KCTD19: variants seen among roughly 807,000 people sequenced by gnomAD.
The protein encoded by KCTD19 is potassium channel tetramerization domain containing 19.
A neutral mutation model predicts 103.5 loss-of-function variants in KCTD19; 67 were observed. The ratio of observed to expected loss-of-function variants is 0.65; its 90% confidence interval spans 0.53 to 0.79. The LOEUF (loss-of-function observed/expected upper bound fraction) is 0.79. KCTD19 is among the 30% of genes least tolerant of loss of function. The pLI, the probability that KCTD19 is intolerant of heterozygous loss-of-function variation, is 0.00. For synonymous variants in KCTD19, 439 were observed against 452.2 expected, an observed-to-expected ratio of 0.97 and a Z score of 0.37; for missense variants, 980 against 1,136.1, an observed-to-expected ratio of 0.86 and a Z score of 1.98.
Position 67,303,132 on chromosome 16 carries a change from GACA to G in KCTD19, c.643+11_643+13del. ...TCAGCCCGCCCCCCACCCCACCCCGGACAGAGCAATCACCAATGAAGCGGAACT... is the reference window on the plus strand; with the variant it reads ...TCAGCCCGCCCCCCACCCCACCCCGGGAGCAATCACCAATGAAGCGGAACT... On this transcript the variant is annotated intron_variant, in intron 4 of 15. Transcript: ENST00000304372. This position sits in a 1 kb window ranked among gnomAD's most constrained non-coding sequence, Gnocchi z 4.3. 6.3e-7 allele frequency: 1 copy of G among 1,589,490 alleles called. No individual in the cohort carries two copies.
At chr16:67,315,498 T>C (rs1436412029) in intron 2 of KCTD19, among the ~76,000 whole-genome samples, 1 of 151,922 alleles carries the variant, frequency 6.6e-6, no homozygotes, top group South Asian at 2.1e-4. Flanking sequence ...GTTTGTTTTT[T>C]TGAGACAGAG....
At chr16:67,304,399 G>A (rs1230865882) in intron 3 of KCTD19, 22 bp downstream of exon 3, 1 of 1,612,670 alleles carries the variant, frequency 6.2e-7, no homozygotes, top group Non-Finnish European at 8.5e-7. Context: ...GCTTTAGGGA[G>A]GGACAGCCTA....
At chr16:67,302,561 A>C (rs1194973821) in intron 4 of KCTD19, 1 of 156,570 alleles carries the variant, frequency 6.4e-6, no homozygotes, top group Non-Finnish European at 1.4e-5. Context: ...TCCCAAACAG[A>C]GCTCATCCTG....
rs1460092629 is a variant in KCTD19, at chr16:67,323,311, C to A, written c.4-2426G>T. On this transcript the variant is annotated intron_variant, in intron 1 of 15. Coordinates refer to ENST00000304372, the MANE Select transcript of KCTD19 (RefSeq NM_001100915.3). The surrounding 1 kb of genome is among the most constrained non-coding windows in gnomAD (Gnocchi z 4.1). Reference sequence around the variant, plus strand: ...AATAAACCTAATGTCCATCAACTGACAGATGAGTAAACAAAATGTAGTATA... The same window carrying A: ...AATAAACCTAATGTCCATCAACTGAAAGATGAGTAAACAAAATGTAGTATA... Among the ~76,000 whole-genome samples the A allele has an allele frequency of 6.6e-6, 1 of 152,164 alleles. No homozygotes were observed. Among genetic ancestry groups the A allele is most frequent in the Non-Finnish European group, 1.5e-5 (1 of 68,030 alleles).
intron 2 of KCTD19, among the ~76,000 whole-genome samples, chr16:67,313,518 G>T (rs2036970525): frequency 6.6e-6 from 1 of 152,070 alleles, no homozygotes; most frequent in Non-Finnish European, 1.5e-5. Context: ...TTCCAAAAAA[G>T]GTAGTGGCTG....
At position 67,289,532 on chromosome 16, in the gene KCTD19, G is replaced by C; in HGVS notation, c.*37C>G. ...GCTATCTCCAATTAAAATGAGACTT[G>C]GCGGGTGGGGCATGAGGGGCTGCAT... On this transcript the variant is annotated 3_prime_UTR_variant, in exon 16 of 16. Transcript: ENST00000304372. 8.0e-7 allele frequency: 1 copy of C among 1,251,692 alleles called. No individual in the cohort carries two copies. The highest frequency in any genetic ancestry group is 1.2e-6 in the Non-Finnish European group (1 of 850,672). The allele number at this position is 1,251,692 out of a possible 1,614,324, so 77.5% of individuals were successfully genotyped here.
chr16:67,294,161 T>C lies in KCTD19; in HGVS notation c.1601A>G (p.Tyr534Cys), dbSNP rs763071577. Residue 534 changes from tyrosine to cysteine, a missense_variant, in exon 12 of 16, where the codon TAC (tyrosine) becomes TGC (cysteine). Transcript: ENST00000304372. Reference protein sequence around the residue: ...FSRDTKETTAYMPVDFEDCSD... With the variant: ...FSRDTKETTACMPVDFEDCSD... ...GCAGTCTTCGAAGTCCACAGGCATG[T>C]AGGCTGTGGTCTGGGGAGGGAAGGG... is the stretch of plus-strand genomic sequence containing the variant. The C allele has an allele frequency of 6.2e-7, 1 of 1,601,488 alleles. No individual in the cohort carries two copies. The highest frequency in any genetic ancestry group is 8.6e-7 in the Non-Finnish European group (1 of 1,169,546).
chr16:67,309,552 C>T (rs930071665), intron 2 of KCTD19, among the ~76,000 whole-genome samples: 3 of 152,196 alleles, frequency 2.0e-5, no homozygotes, highest in Admixed American at 6.5e-5. Flanking sequence ...GCTAGGGCAG[C>T]GTAGCACTCC....
Position 67,295,281 on chromosome 16 carries a change from A to C in KCTD19, c.1373T>G (p.Phe458Cys), listed in dbSNP as rs1398168642. The C allele has an allele frequency of 1.2e-6, 2 of 1,614,072 alleles. No homozygotes were observed. Among genetic ancestry groups the C allele is most frequent in the Non-Finnish European group, 1.7e-6 (2 of 1,180,024 alleles). The change falls in exon 9 of 16, where the codon TTT (phenylalanine) becomes TGT (cysteine). Residue 458 changes from phenylalanine (F) to cysteine (C), a missense_variant. By Grantham distance (205) the Phe-to-Cys change is radical. Transcript: ENST00000304372. ...ILNFLRLGKL[F>C]LPSEFKEWPL... ...CACTTACTTAAATTCAGATGGTAAA[A>C]ACAGTTTGCCAAGTCTCAGGAAGTT...
chr16:67,303,142 T>C lies in KCTD19; in HGVS notation c.643+4A>G. ...CCCCACCCCACCCCGGACAGAGCAA[T>C]CACCAATGAAGCGGAACTCGCTGCA... is the stretch of plus-strand genomic sequence containing the variant. On this transcript the variant is annotated splice_donor_region_variant and intron_variant, in intron 4 of 15. Coordinates refer to ENST00000304372, the MANE Select transcript of KCTD19 (RefSeq NM_001100915.3). The surrounding 1 kb of genome is among the most constrained non-coding windows in gnomAD (Gnocchi z 4.3). 1 of 888,886 alleles carries C rather than the reference T, an allele frequency of 1.1e-6. No homozygotes were observed. Among genetic ancestry groups the C allele is most frequent in the Non-Finnish European group, 1.6e-6 (1 of 607,094 alleles). 55.1% of individuals were successfully genotyped at this position (888,886 alleles called of 1,614,324 possible).
At chr16:67,312,059 A>T (rs906250394) in intron 2 of KCTD19, among the ~76,000 whole-genome samples, 1 of 152,206 alleles carries the variant, frequency 6.6e-6, no homozygotes. Flanking sequence ...AGCACAAGGA[A>T]TGAAGGCGTG....
chr16:67,317,456 C>T lies in KCTD19; in HGVS notation c.300+3133G>A, dbSNP rs572755945. Reference sequence around the variant, plus strand: ...TAGCACCACTGCACTCTCACCTGGGCGACAGAGTGAGACTCTGTCTCCAAA... The same window carrying T: ...TAGCACCACTGCACTCTCACCTGGGTGACAGAGTGAGACTCTGTCTCCAAA... On this transcript the variant is annotated intron_variant, in intron 2 of 15. Coordinates refer to ENST00000304372, the MANE Select transcript of KCTD19 (RefSeq NM_001100915.3). 5.4e-5 allele frequency among the ~76,000 whole-genome samples: 8 copies of T among 148,970 alleles called. No individual in the cohort carries two copies. The East Asian group carries it at 1.2e-3, about 22-fold the overall frequency.
Position 67,326,593 on chromosome 16 carries a change from C to A in KCTD19, c.3+112G>T, listed in dbSNP as rs191590788. ...TTCCCGGCTGGGGGCCCCTCGCTCTCTCCCATGCCCCAGAGCCAGGTCTCG... is the reference window on the plus strand; with the variant it reads ...TTCCCGGCTGGGGGCCCCTCGCTCTATCCCATGCCCCAGAGCCAGGTCTCG... On this transcript the variant is annotated intron_variant, in intron 1 of 15. Coordinates refer to ENST00000304372, the MANE Select transcript of KCTD19 (RefSeq NM_001100915.3). 1,119 of 1,441,868 alleles carry A rather than the reference C, an allele frequency of 7.8e-4. 13 individuals carry two copies. The East Asian group carries it at 0.029, about 37-fold the overall frequency. 89.3% of individuals were successfully genotyped at this position (1,441,868 alleles called of 1,614,324 possible). A position where few individuals can be genotyped will look rare whatever the true frequency, so the allele number is the denominator to read the frequency against.
In KCTD19 at chr16:67,293,685, A is replaced by G. The variant is rs1233804007; in HGVS notation, c.2077T>C (p.Ser693Pro). ...SAAWKAHSTASEKDPGPQAGA... is the reference protein window; with the variant it reads ...SAAWKAHSTAPEKDPGPQAGA... ...GCCTGTGGTCCTGGATCCTTCTCTG[A>G]GGCTGTGGAATGGGCTTTCCAGGCA... Residue 693 changes from serine to proline, a missense_variant, in exon 12 of 16, where the codon TCA becomes CCA. Coordinates refer to ENST00000304372, the MANE Select transcript of KCTD19 (RefSeq NM_001100915.3). The surrounding 1 kb of genome is among the most constrained non-coding windows in gnomAD (Gnocchi z 4.0). 5.6e-6 allele frequency: 9 copies of G among 1,613,566 alleles called. No individual in the cohort carries two copies. In the Admixed American group the frequency reaches 1.5e-4, roughly 27 times the overall value.
chr16:67,326,618 G>C, intron 1 of KCTD19, 87 bp downstream of exon 1: 1 of 1,524,434 alleles, frequency 6.6e-7, no homozygotes, highest in Non-Finnish European at 8.8e-7. Flanking sequence ...GCCAGGTCTC[G>C]AACCACTTAG....
rs1430329181 is a variant in KCTD19 at position 67,320,849 on chromosome 16, A to G, written c.40T>C (p.Leu14=). Reference sequence around the variant, plus strand: ...CAGCCCCCTACGTTGAAATGAAACAAGTCCTCTGCTGATTCATGAGCCATG... The same window carrying G: ...CAGCCCCCTACGTTGAAATGAAACAGGTCCTCTGCTGATTCATGAGCCATG... ...SGMAHESAED[L]FHFNVGGWHF... Residue 14 remains leucine (L), a synonymous_variant, in exon 2 of 16, where the codon TTG becomes CTG. Coordinates refer to ENST00000304372, the MANE Select transcript of KCTD19 (RefSeq NM_001100915.3). This position sits in a 1 kb window ranked among gnomAD's most constrained non-coding sequence, Gnocchi z 4.0. The G allele has an allele frequency of 6.2e-7, 1 of 1,614,144 alleles. No individual in the cohort carries two copies. The highest frequency in any genetic ancestry group is 8.5e-7 in the Non-Finnish European group (1 of 1,179,986).
In KCTD19 at chr16:67,325,129, T is replaced by TA. The variant is rs369675956; in HGVS notation, c.3+1575dup. 6.3e-3 allele frequency among the ~76,000 whole-genome samples: 956 copies of TA among 152,212 alleles called. 8 individuals are homozygous for TA. Among genetic ancestry groups the TA allele is most frequent in the African/African-American group, 0.022 (893 of 41,524 alleles). ...CAGATGTTGGATGCCAAAGAAAACCTACTTCTCGAAGGTGAGCCCCAGTTC... is the reference window on the plus strand; with the variant it reads ...CAGATGTTGGATGCCAAAGAAAACCTAACTTCTCGAAGGTGAGCCCCAGTTC... On this transcript the variant is annotated intron_variant, in intron 1 of 15. Transcript: ENST00000304372.
Position 67,294,005 on chromosome 16 carries a change from C to T in KCTD19, c.1757G>A (p.Ser586Asn). The change falls in exon 12 of 16, where the codon AGC becomes AAC. Residue 586 changes from serine to asparagine, a missense_variant. By Grantham distance (46) the Ser-to-Asn change is conservative. Transcript: ENST00000304372. ...CAAGCCACGGCAGTGTGAGTATGTGCTAGGGTTGCCAGCCCTCTTGGCATT... is the reference window on the plus strand; with the variant it reads ...CAAGCCACGGCAGTGTGAGTATGTGTTAGGGTTGCCAGCCCTCTTGGCATT... ...CRNAKRAGNP[S>N]TYSHCRGLCT... 1 of 1,614,112 alleles carries T rather than the reference C, an allele frequency of 6.2e-7. No individual in the cohort carries two copies. The highest frequency in any genetic ancestry group is 8.5e-7 in the Non-Finnish European group (1 of 1,180,014).
intron 2 of KCTD19, among the ~76,000 whole-genome samples, chr16:67,314,818 TATATATATATATAGAGAGAGAG>T (rs1160885505): frequency 1.3e-4 from 13 of 99,170 alleles, no homozygotes; most frequent in Admixed American, 1.1e-3. Context: ...TATATATATA[TATATATATATATAGAGAGAGAG>T]AGAGAGAGAG....
Sources: gnomAD v4.1 joint callset for allele counts (sites outside exome capture counted in the v4.1 genomes callset) on GRCh38, gnomAD v4.1.1 for gene constraint, Gnocchi (gnomAD v3.1) non-coding constraint, MANE v1.5 for transcripts, NCBI Gene and HGNC (gene_info 2026-07-23, HGNC 2026-07-21) for gene names.